The following UNC79 variants were observed in gnomAD, a reference collection of about 807,000 sequenced individuals.
UNC79 encodes the protein unc-79 subunit of NALCN channel complex.
A neutral mutation model predicts 283.1 loss-of-function variants in UNC79; 37 were observed. The observed-to-expected ratio is 0.13, with a 90% CI of 0.10 to 0.17. UNC79 has a LOEUF of 0.17. UNC79 is among the 10% of genes least tolerant of loss of function. The pLI is 1.00. For missense variants in UNC79, 2,272 were observed against 3,211.1 expected (o/e 0.71, Z 7.07); for synonymous variants, 1,107 against 1,200.2 (o/e 0.92, Z 1.61).
chr14:93,599,657 A>C (rs2065348915), intron 24 of UNC79, among the ~76,000 whole-genome samples: 1 of 152,166 alleles, frequency 6.6e-6, no homozygotes, highest in Non-Finnish European at 1.5e-5. Flanking sequence ...GTTTGGATGA[A>C]TTGCAATTTT....
chr14:93,634,607 G>A (rs751743820), intron 31 of UNC79: 10 of 1,613,968 alleles, frequency 6.2e-6, no homozygotes, highest in East Asian at 2.2e-5. Context: ...TCAGTCTAGC[G>A]CCCCCCATAA....
Position 93,478,115 on chromosome 14 carries a change from T to C in UNC79, c.619+387T>C, listed in dbSNP as rs117511070. ...CAGTAGGATCTAATAGAAAGAGCAT[T>C]AGATAGTCAGGATGTGTAAATTCTG... On this transcript the variant is annotated intron_variant, in intron 4 of 48. Coordinates refer to ENST00000555664, the Ensembl canonical transcript of UNC79. 7.2e-5 allele frequency among the ~76,000 whole-genome samples: 11 copies of C among 152,316 alleles called. No individual in the cohort carries two copies. In the East Asian group the frequency reaches 1.9e-3, roughly 27 times the overall value.
At chr14:93,643,743 A>T in intron 34 of UNC79, 46 bp downstream of exon 37, 1 of 1,602,132 alleles carries the variant, frequency 6.2e-7, no homozygotes. Flanking sequence ...TCCTTTATTC[A>T]GTCTCTATCT....
At chr14:93,413,018 G>A (rs1381731255) in intron 1 of UNC79, among the ~76,000 whole-genome samples, 2 of 152,092 alleles carry the variant, frequency 1.3e-5, no homozygotes, top group Non-Finnish European at 1.5e-5. Flanking sequence ...ACTGTGGTGT[G>A]TAGACAACTC....
chr14:93,673,531 G>A lies in UNC79; in HGVS notation c.6741+76G>A, dbSNP rs141409834. 2.3e-5 allele frequency: 27 copies of A among 1,176,976 alleles called. No homozygotes were observed. In the African/African-American group the frequency reaches 3.4e-4, roughly 15 times the overall value. 72.9% of individuals were successfully genotyped at this position (1,176,976 alleles called of 1,614,324 possible). A position where few individuals can be genotyped will look rare whatever the true frequency, so the allele number is the denominator to read the frequency against. ...GGGAAAATTAAGGGAGGTGTAGAGT[G>A]TATGCATAGAACTAAATATCTTTGC... On this transcript the variant is annotated intron_variant, in intron 41 of 48. Coordinates refer to ENST00000555664, the Ensembl canonical transcript of UNC79.
intron 2 of UNC79, among the ~76,000 whole-genome samples, chr14:93,468,816 C>A (rs1166826184): frequency 6.6e-6 from 1 of 152,190 alleles, no homozygotes; most frequent in African/African-American, 2.4e-5. Context: ...TATTGAAGGG[C>A]TCCTGCTTAT....
chr14:93,497,420 C>T, intron 7 of UNC79, 134 bp downstream of exon 7: 1 of 1,249,412 alleles, frequency 8.0e-7, no homozygotes, highest in Non-Finnish European at 1.1e-6. Context: ...TAAATCCTTT[C>T]TGAAACTAAG....
chr14:93,406,760 G>A (rs1470304007), intron 1 of UNC79, among the ~76,000 whole-genome samples: 1 of 152,138 alleles, frequency 6.6e-6, no homozygotes. Context: ...TAATAAGGGA[G>A]AAACTGAAAC....
At position 93,706,613 on chromosome 14, in the gene UNC79, A is replaced by G. The variant is rs1368076780; in HGVS notation, c.7591-91A>G. The G allele has an allele frequency of 4.1e-6, 6 of 1,460,558 alleles. No homozygotes were observed. The African/African-American group carries it at 8.4e-5, about 20-fold the overall frequency. The allele number at this position is 1,460,558 out of a possible 1,614,324, so 90.5% of individuals were successfully genotyped here. A position where few individuals can be genotyped will look rare whatever the true frequency, so the allele number is the denominator to read the frequency against. On this transcript the variant is annotated intron_variant, in intron 48 of 48. Transcript: ENST00000555664. The stretch of plus-strand genomic sequence containing the variant: ...GCCAGACAACCCTTGAGCCAAGCCT[A>G]AATTCTGCCTGCAAGAAGCCGCCCG...
At chr14:93,363,174 A>G (rs1443813447) in intron 1 of UNC79, among the ~76,000 whole-genome samples, 1 of 152,118 alleles carries the variant, frequency 6.6e-6, no homozygotes, top group African/African-American at 2.4e-5. Flanking sequence ...CTTTGTTTTC[A>G]TCAGTTTCAA....
At chr14:93,512,250 A>G (rs186099275) in intron 7 of UNC79, among the ~76,000 whole-genome samples, 39 of 152,260 alleles carry the variant, frequency 2.6e-4, no homozygotes, top group Non-Finnish European at 3.8e-4. Context: ...AGGAAATTAC[A>G]TATTATTCTT....
intron 47 of UNC79, among the ~76,000 whole-genome samples, chr14:93,699,892 T>G (rs998503085): frequency 5.3e-5 from 8 of 152,192 alleles, no homozygotes; most frequent in African/African-American, 1.9e-4. Context: ...TTTCATTCTA[T>G]AGATCTAAAC....
chr14:93,513,526 A>G (rs766646864), intron 7 of UNC79, among the ~76,000 whole-genome samples: 1 of 151,822 alleles, frequency 6.6e-6, no homozygotes. Flanking sequence ...GCCTAATTGT[A>G]CCTTTTTATG....
At chr14:93,365,220 T>C (rs768408812) in intron 1 of UNC79, among the ~76,000 whole-genome samples, 3 of 151,930 alleles carry the variant, frequency 2.0e-5, no homozygotes, top group Non-Finnish European at 2.9e-5. Flanking sequence ...ACCCTGTCTA[T>C]ACTAAAAATA....
intron 1 of UNC79, among the ~76,000 whole-genome samples, chr14:93,366,622 G>C (rs2054340326): frequency 6.6e-6 from 1 of 150,746 alleles, no homozygotes; most frequent in Admixed American, 6.6e-5. Context: ...ACCCAGGCTG[G>C]AGTACAGTGG....
intron 7 of UNC79, among the ~76,000 whole-genome samples, chr14:93,512,554 C>T (rs2059876165): frequency 6.6e-6 from 1 of 152,060 alleles, no homozygotes; most frequent in Non-Finnish European, 1.5e-5. Context: ...GTATCAAATA[C>T]TCCATTTTTA....
intron 5 of UNC79, among the ~76,000 whole-genome samples, chr14:93,492,596 C>A (rs11627344): frequency 1.3e-5 from 2 of 152,174 alleles, no homozygotes; most frequent in Non-Finnish European, 2.9e-5. Context: ...TCAAGTGATC[C>A]GCCTGTCTTG....
At chr14:93,568,058 A>T (rs574180533) in intron 14 of UNC79, among the ~76,000 whole-genome samples, 1 of 152,180 alleles carries the variant, frequency 6.6e-6, no homozygotes, top group Non-Finnish European at 1.5e-5. Context: ...AGTGTGGCAG[A>T]GGGAAGACTT....
intron 1 of UNC79, among the ~76,000 whole-genome samples, chr14:93,368,616 G>T (rs558843463): frequency 5.4e-4 from 82 of 152,152 alleles, no homozygotes; most frequent in Middle Eastern, 3.4e-3. Context: ...GATTACAGGT[G>T]CATGCCACCA....
Sources: gnomAD v4.1 joint callset for allele counts (sites outside exome capture counted in the v4.1 genomes callset) on GRCh38, gnomAD v4.1.1 for gene constraint, MANE v1.5 for transcripts, NCBI Gene and HGNC (gene_info 2026-07-23, HGNC 2026-07-21) for gene names.